The following RNGTT variants were observed in gnomAD, a reference collection of about 807,000 sequenced individuals.
RNGTT encodes RNA guanylyltransferase and 5'-phosphatase, also known as mRNA-capping enzyme.
RNGTT carries 33 observed loss-of-function variants against 79.3 expected under a neutral mutation model. The observed-to-expected ratio is 0.42, with a 90% CI of 0.32 to 0.56. The LOEUF (loss-of-function observed/expected upper bound fraction) is 0.56, where lower values mean the gene tolerates loss of function less well. Ranked by LOEUF, RNGTT falls within the 20% of genes least tolerant of loss-of-function variation. RNGTT has a pLI of 0.17. For synonymous variants in RNGTT, 222 were observed against 235.9 expected (o/e 0.94, Z 0.54); for missense variants, 497 against 739.1 (o/e 0.67, Z 3.80).
Position 88,955,976 on chromosome 6 carries a change from G to A in RNGTT, c.64+7370C>T, listed in dbSNP as rs534276651. Among the ~76,000 whole-genome samples, 4 of 149,898 alleles carry A rather than the reference G, an allele frequency of 2.7e-5. No homozygotes were observed. In the East Asian group the frequency reaches 7.9e-4, roughly 29 times the overall value. Reference sequence around the variant, plus strand: ...GAATCACTTGAACCTAGGAGGCAGAGGTTGCAGTGAGCCAAGATGGCATCA... The same window carrying A: ...GAATCACTTGAACCTAGGAGGCAGAAGTTGCAGTGAGCCAAGATGGCATCA... On this transcript the variant is annotated intron_variant, in intron 1 of 15. Transcript: ENST00000369485.
At position 88,747,609 on chromosome 6, in the gene RNGTT, G is replaced by A. The variant is rs779251105; in HGVS notation, c.1439+22165C>T. Reference sequence around the variant, plus strand: ...AGCCTGTATCCCCGTGTTTGATGGTGAGCCTAAAGTCTATGACAGCAGGGC... The same window carrying A: ...AGCCTGTATCCCCGTGTTTGATGGTAAGCCTAAAGTCTATGACAGCAGGGC... On this transcript the variant is annotated intron_variant, in intron 13 of 15. Coordinates refer to ENST00000369485, the MANE Select transcript of RNGTT (RefSeq NM_003800.5). 2.6e-5 allele frequency among the ~76,000 whole-genome samples: 4 copies of A among 152,162 alleles called. No individual in the cohort carries two copies. The South Asian group carries it at 6.2e-4, about 24-fold the overall frequency.
intron 14 of RNGTT, among the ~76,000 whole-genome samples, chr6:88,627,734 G>A (rs1195662883): frequency 4.6e-5 from 7 of 151,950 alleles, no homozygotes; most frequent in South Asian, 2.1e-4. Flanking sequence ...TACAGGCACC[G>A]AAGACCACAG....
At position 88,904,911 on chromosome 6, in the gene RNGTT, C is replaced by A. The variant is rs778115483; in HGVS notation, c.488G>T (p.Gly163Val). 1 of 1,613,978 alleles carries A rather than the reference C, an allele frequency of 6.2e-7. No individual in the cohort carries two copies. Residue 163 changes from glycine to valine, a missense_variant, in exon 6 of 16, where the codon GGA becomes GTA. Coordinates refer to ENST00000369485, the MANE Select transcript of RNGTT (RefSeq NM_003800.5). ...CTTCAAATAATCACCCTTGTAGATT[C>A]CTGGTGGTCTGGCTTGGGCAAAAGT... ...VATFAQARPP[G>V]IYKGDYLKEL...
chr6:88,913,213 A>G (rs1437840076), intron 4 of RNGTT, among the ~76,000 whole-genome samples: 1 of 133,118 alleles, frequency 7.5e-6, no homozygotes, highest in Admixed American at 7.1e-5. Flanking sequence ...TCAAAAAAAA[A>G]CAAAAAAAAA....
intron 13 of RNGTT, among the ~76,000 whole-genome samples, chr6:88,745,675 T>C (rs986888116): frequency 2.0e-5 from 3 of 152,056 alleles, no homozygotes; most frequent in African/African-American, 7.2e-5. Context: ...AAAATGGTGA[T>C]AGTCTATTAT....
At chr6:88,821,325 A>G (rs1780490144) in intron 11 of RNGTT, among the ~76,000 whole-genome samples, 1 of 152,164 alleles carries the variant, frequency 6.6e-6, no homozygotes, top group Non-Finnish European at 1.5e-5. Context: ...TCCCCAAGCA[A>G]AAGTCTGCTT....
intron 12 of RNGTT, among the ~76,000 whole-genome samples, chr6:88,785,411 CTTGAAAATGATGTTTTGCTT>C (rs1779196794): frequency 6.6e-6 from 1 of 151,848 alleles, no homozygotes; most frequent in Non-Finnish European, 1.5e-5. Context: ...ATTTTAAAAA[CTTGAAAATGATGTTTTGCTT>C]TTTCTTCCTT....
intron 1 of RNGTT, among the ~76,000 whole-genome samples, chr6:88,942,308 G>A (rs2127959112): frequency 6.6e-6 from 1 of 152,186 alleles, no homozygotes; most frequent in East Asian, 1.9e-4. Flanking sequence ...TTTTCTGAAT[G>A]ACAGTATAGC....
At chr6:88,874,265 T>C (rs1190868616) in intron 8 of RNGTT, among the ~76,000 whole-genome samples, 1 of 152,150 alleles carries the variant, frequency 6.6e-6, no homozygotes, top group Non-Finnish European at 1.5e-5. Context: ...GCCACATTTA[T>C]TGCTCTAAAG....
intron 11 of RNGTT, among the ~76,000 whole-genome samples, chr6:88,821,960 G>A (rs1780509946): frequency 6.7e-6 from 1 of 149,900 alleles, no homozygotes; most frequent in Admixed American, 6.6e-5. Context: ...AACAAAATTA[G>A]AACTAAGAAA....
Position 88,853,716 on chromosome 6 carries a change from T to C in RNGTT, c.945A>G (p.Arg315=), listed in dbSNP as rs1347758972. The change falls in exon 9 of 16, where the codon AGA becomes AGG. Residue 315 remains arginine, a synonymous_variant. Coordinates refer to ENST00000369485, the MANE Select transcript of RNGTT (RefSeq NM_003800.5). ...TTGAAACATGAAATACTGAATTGTC[T>C]CTATCAATCATAAAAACTTCATTTG... ...DGTNEVFMID[R]DNSVFHVSNL... The C allele has an allele frequency of 1.3e-6, 2 of 1,578,990 alleles. No homozygotes were observed. The highest frequency in any genetic ancestry group is 1.4e-5 in the African/African-American group (1 of 73,318).
chr6:88,614,393 C>A lies in RNGTT; in HGVS notation c.1509G>T (p.Val503=), dbSNP rs772258219. Residue 503 remains valine (V), a splice_region_variant and synonymous_variant, in exon 15 of 16, where the codon GTG becomes GTT. Transcript: ENST00000369485. ...GYERPFAQIK[V]TKELKQYDNK... ...TGTCATACTGTTTCAGCTCTTTTGT[C>A]ACCTGTTTTGAAAGAGAATTGAGGA... The A allele has an allele frequency of 4.3e-6, 7 of 1,613,106 alleles. No individual in the cohort carries two copies. The highest frequency in any genetic ancestry group is 5.9e-6 in the Non-Finnish European group (7 of 1,179,426).
chr6:88,900,386 A>C (rs1357180481), intron 6 of RNGTT, among the ~76,000 whole-genome samples: 1 of 152,232 alleles, frequency 6.6e-6, no homozygotes, highest in Non-Finnish European at 1.5e-5. Context: ...TCAATGGATG[A>C]GTTTAACAGC....
chr6:88,743,470 C>T (rs1777561599), intron 13 of RNGTT, among the ~76,000 whole-genome samples: 1 of 152,130 alleles, frequency 6.6e-6, no homozygotes. Context: ...AAACTCTACA[C>T]CTATGAAAAA....
At chr6:88,648,973 A>G (rs1773690011) in intron 14 of RNGTT, among the ~76,000 whole-genome samples, 1 of 152,194 alleles carries the variant, frequency 6.6e-6, no homozygotes, top group Non-Finnish European at 1.5e-5. Context: ...GTAAGTCCTA[A>G]CTTACCATCA....
intron 1 of RNGTT, among the ~76,000 whole-genome samples, chr6:88,952,861 A>G (rs73489972): frequency 0.01 from 1,542 of 152,300 alleles, 21 homozygotes; most frequent in African/African-American, 0.035. Flanking sequence ...CCAGAAGAGC[A>G]ATAACAATCA....
At chr6:88,806,124 G>C (rs2127866668) in intron 11 of RNGTT, among the ~76,000 whole-genome samples, 1 of 152,046 alleles carries the variant, frequency 6.6e-6, no homozygotes, top group African/African-American at 2.4e-5. Flanking sequence ...ATCCACGAAA[G>C]ACGTCTAATT....
chr6:88,741,231 G>T (rs1777478789), intron 13 of RNGTT, among the ~76,000 whole-genome samples: 1 of 152,114 alleles, frequency 6.6e-6, no homozygotes, highest in African/African-American at 2.4e-5. Flanking sequence ...TAAAGAAAAT[G>T]TGGTACACAT....
chr6:88,752,164 G>C (rs1187043896), intron 13 of RNGTT, among the ~76,000 whole-genome samples: 2 of 151,946 alleles, frequency 1.3e-5, no homozygotes, highest in East Asian at 3.8e-4. Flanking sequence ...TATGCTAGAG[G>C]ATATTAAATA....
Sources: gnomAD v4.1 joint callset for allele counts (sites outside exome capture counted in the v4.1 genomes callset) on GRCh38, gnomAD v4.1.1 for gene constraint, MANE v1.5 for transcripts, NCBI Gene and HGNC (gene_info 2026-07-23, HGNC 2026-07-21) for gene names.